SPATA18: variants seen among roughly 807,000 people sequenced by gnomAD.
SPATA18 encodes mitochondria-eating protein.
In SPATA18, 54 loss-of-function variants were observed where a neutral mutation model predicts 68.1. The ratio of observed to expected loss-of-function variants is 0.79; its 90% CI spans 0.64 to 0.99. The LOEUF (loss-of-function observed/expected upper bound fraction) is 0.99, where lower values mean the gene tolerates loss of function less well. Among genes scored for constraint, SPATA18 ranks in the 50% least tolerant of loss-of-function variants. SPATA18 has a pLI of 0.00. For synonymous variants in SPATA18, 242 were observed against 244.8 expected, an observed-to-expected ratio of 0.99 and a Z score of 0.11; for missense variants, 724 against 681.1, an observed-to-expected ratio of 1.06 and a Z score of -0.70.
At position 52,060,440 on chromosome 4, in the gene SPATA18, C is replaced by T. The variant is rs187371217; in HGVS notation, c.109C>T (p.Leu37=). Residue 37 remains leucine, a synonymous_variant, in exon 2 of 13, where the codon CTA becomes TTA. Coordinates refer to ENST00000295213, the MANE Select transcript of SPATA18 (RefSeq NM_145263.4). ...GCAGACAAACACGTGTGATCAAAAT[C>T]TAAACCATTGCCTTGAACTCATTGA... The part of the protein sequence containing the change: ...EYNTNTCDQN[L]NHCLELIEQV... 6 of 1,614,026 alleles carry T rather than the reference C, an allele frequency of 3.7e-6. No homozygotes were observed. In the African/African-American group the frequency reaches 4.0e-5, roughly 11 times the overall value.
chr4:52,078,239 G>A (rs1411000951), intron 7 of SPATA18: 1 of 152,190 alleles, frequency 6.6e-6, no homozygotes, highest in African/African-American at 2.4e-5. Context: ...GTTAGTTAAA[G>A]CTCTGTCAAT....
chr4:52,068,520 C>T (rs1047028588), intron 4 of SPATA18, among the ~76,000 whole-genome samples: 10 of 152,130 alleles, frequency 6.6e-5, no homozygotes, highest in Non-Finnish European at 1.0e-4. Context: ...AGGCCCTTGC[C>T]GAGTGGGCAT....
chr4:52,093,628 G>A (rs2109547304), intron 11 of SPATA18, among the ~76,000 whole-genome samples: 1 of 152,282 alleles, frequency 6.6e-6, no homozygotes, highest in South Asian at 2.1e-4. Context: ...CTCATTCTAA[G>A]AGGAAATGGC....
intron 5 of SPATA18, 130 bp from the exon 6 acceptor site, chr4:52,071,787 T>A: frequency 4.5e-6 from 4 of 896,098 alleles, no homozygotes; most frequent in East Asian, 5.3e-5. Flanking sequence ...AGTTTCCCAA[T>A]GCAATAATGG....
chr4:52,066,455 A>G (rs894930937), intron 4 of SPATA18, among the ~76,000 whole-genome samples: 2 of 152,190 alleles, frequency 1.3e-5, no homozygotes, highest in African/African-American at 2.4e-5. Flanking sequence ...CAGCCATATC[A>G]AATCATCCTT....
chr4:52,054,985 C>G (rs1206360180), intron 1 of SPATA18, among the ~76,000 whole-genome samples: 1 of 151,956 alleles, frequency 6.6e-6, no homozygotes, highest in Non-Finnish European at 1.5e-5. Context: ...TGTAAAGAGT[C>G]TGTTATATTA....
In SPATA18 at chr4:52,059,990, A is replaced by G. The variant is rs570944760; in HGVS notation, c.88-429A>G. On this transcript the variant is annotated intron_variant, in intron 1 of 12. Coordinates refer to ENST00000295213, the MANE Select transcript of SPATA18 (RefSeq NM_145263.4). ...ATCTCAGTGGCTTACACACAAACCAACTTTCTCAACCATGTGACAATTCAG... is the reference window on the plus strand; with the variant it reads ...ATCTCAGTGGCTTACACACAAACCAGCTTTCTCAACCATGTGACAATTCAG... Among the ~76,000 whole-genome samples, 4 of 152,308 alleles carry G rather than the reference A, an allele frequency of 2.6e-5. 1 individual carries two copies. The South Asian group carries it at 8.3e-4, about 32-fold the overall frequency.
At chr4:52,054,501 G>A (rs544964437) in intron 1 of SPATA18, among the ~76,000 whole-genome samples, 50 of 152,282 alleles carry the variant, frequency 3.3e-4, no homozygotes, top group African/African-American at 1.2e-3. Context: ...ATATTCAACA[G>A]GTAATATTCA....
At chr4:52,058,099 A>G (rs2109410374) in intron 1 of SPATA18, among the ~76,000 whole-genome samples, 1 of 152,336 alleles carries the variant, frequency 6.6e-6, no homozygotes, top group Non-Finnish European at 1.5e-5. Context: ...GGCCAGGGCA[A>G]GGAGCTGCTG....
chr4:52,076,953 C>G lies in SPATA18; in HGVS notation c.933C>G (p.Ser311=). The G allele has an allele frequency of 6.2e-7, 1 of 1,614,182 alleles. No individual in the cohort carries two copies. Among genetic ancestry groups the G allele is most frequent in the Non-Finnish European group, 8.5e-7 (1 of 1,180,032 alleles). The change falls in exon 7 of 13, where the codon TCC becomes TCG. Residue 311 remains serine, a synonymous_variant. Coordinates refer to ENST00000295213, the MANE Select transcript of SPATA18 (RefSeq NM_145263.4). ...ALLSRFSDSY[S]QARLDAQCLL... is the part of the protein sequence containing the mutation. ...TGTCCCGGTTCAGCGATTCCTATTC[C>G]CAGGCCCGCCTGGACGCGCAGTGCC... is the stretch of plus-strand genomic sequence containing the variant.
At chr4:52,076,417 C>T (rs990612893) in intron 6 of SPATA18, among the ~76,000 whole-genome samples, 1 of 152,160 alleles carries the variant, frequency 6.6e-6, no homozygotes. Context: ...TGGTAAAATG[C>T]ATCTACTTGT....
chr4:52,094,994 A>G lies in SPATA18; in HGVS notation c.*107A>G. On this transcript the variant is annotated 3_prime_UTR_variant, in exon 13 of 13. Coordinates refer to ENST00000295213, the MANE Select transcript of SPATA18 (RefSeq NM_145263.4). Reference sequence around the variant, plus strand: ...TCAGACCTCACTTAAGATAATGTCAAAAGGCAATTCTGTGTATCACCCCAC... The same window carrying G: ...TCAGACCTCACTTAAGATAATGTCAGAAGGCAATTCTGTGTATCACCCCAC... 7.2e-7 allele frequency: 1 copy of G among 1,391,478 alleles called. No individual in the cohort carries two copies. The allele number at this position is 1,391,478 out of a possible 1,614,324, so 86.2% of individuals were successfully genotyped here.
chr4:52,071,815 G>C, intron 5 of SPATA18, 102 bp from the exon 6 acceptor site: 1 of 1,182,726 alleles, frequency 8.5e-7, no homozygotes, highest in East Asian at 2.6e-5. Context: ...AGTAGCCTCT[G>C]TTGTTAAGCA....
At chr4:52,063,143 GA>G (rs1243451066) in intron 4 of SPATA18, among the ~76,000 whole-genome samples, 1 of 152,094 alleles carries the variant, frequency 6.6e-6, no homozygotes, top group Non-Finnish European at 1.5e-5. Context: ...GGACAGAAAG[GA>G]AATCTTTTTT....
At chr4:52,062,112 C>A in intron 3 of SPATA18, 108 bp from the exon 4 acceptor site, 3 of 652,086 alleles carry the variant, frequency 4.6e-6, no homozygotes, top group East Asian at 5.1e-5. Flanking sequence ...GTGCATGGAG[C>A]CGTGCATAAT....
At chr4:52,066,708 T>C (rs989177198) in intron 4 of SPATA18, among the ~76,000 whole-genome samples, 1 of 152,144 alleles carries the variant, frequency 6.6e-6, no homozygotes, top group Non-Finnish European at 1.5e-5. Context: ...CCTGTGTCCC[T>C]GTGTTCCCGT....
intron 5 of SPATA18, among the ~76,000 whole-genome samples, chr4:52,070,130 C>T (rs757932060): frequency 2.0e-5 from 3 of 151,462 alleles, no homozygotes; most frequent in Non-Finnish European, 4.4e-5. Flanking sequence ...CATATAAAAA[C>T]CCTTTCATAA....
At chr4:52,074,625 G>A (rs1740161578) in intron 6 of SPATA18, among the ~76,000 whole-genome samples, 1 of 152,198 alleles carries the variant, frequency 6.6e-6, no homozygotes, top group African/African-American at 2.4e-5. Context: ...TTGTCTGAAA[G>A]GCTTAAAAAT....
At chr4:52,086,183 C>T (rs1328618026) in intron 11 of SPATA18, among the ~76,000 whole-genome samples, 2 of 152,150 alleles carry the variant, frequency 1.3e-5, no homozygotes, top group African/African-American at 4.8e-5. Flanking sequence ...AGCTGTAGCC[C>T]CAAAGTTGCA....
Sources: gnomAD v4.1 joint callset for allele counts (sites outside exome capture counted in the v4.1 genomes callset) on GRCh38, gnomAD v4.1.1 for gene constraint, MANE v1.5 for transcripts, NCBI Gene and HGNC (gene_info 2026-07-23, HGNC 2026-07-21) for gene names.